Variants in ELOVL7 observed in about 807,000 individuals in gnomAD.
ELOVL7 encodes the protein very long chain fatty acid elongase 7.
A neutral mutation model predicts 35.7 loss-of-function variants in ELOVL7; 27 were observed. That is an observed-to-expected ratio of 0.76 (90% CI 0.56 to 1.04). The LOEUF is 1.04. Ranked by LOEUF, ELOVL7 falls within the 50% of genes least tolerant of loss-of-function variation. ELOVL7 has a pLI of 0.00. For synonymous variants in ELOVL7, 113 were observed against 114.6 expected, an observed-to-expected ratio of 0.99 and a Z score of 0.09; for missense variants, 327 against 340.8, an observed-to-expected ratio of 0.96 and a Z score of 0.32.
chr5:60,771,852 A>G (rs1742608645), intron 4 of ELOVL7, 51 bp downstream of exon 4: 2 of 1,317,520 alleles, frequency 1.5e-6, no homozygotes, highest in South Asian at 2.9e-5. Flanking sequence ...TGACACATAA[A>G]CAGAAAAACT....
chr5:60,838,550 A>C (rs546068547), intron 1 of ELOVL7, among the ~76,000 whole-genome samples: 88 of 152,290 alleles, frequency 5.8e-4, no homozygotes, highest in African/African-American at 2.0e-3. Context: ...GCAGCTTCTG[A>C]AACTCCCCAG....
intron 4 of ELOVL7, chr5:60,768,587 AAG>A: frequency 2.4e-6 from 1 of 423,274 alleles, no homozygotes; most frequent in Non-Finnish European, 4.8e-6. Flanking sequence ...TGTGACAAGA[AAG>A]AGCCTATTGT....
intron 2 of ELOVL7, among the ~76,000 whole-genome samples, chr5:60,794,600 C>T (rs1744135234): frequency 6.6e-6 from 1 of 152,198 alleles, no homozygotes; most frequent in East Asian, 1.9e-4. Flanking sequence ...TCTAATTCTG[C>T]AACAGACATT....
intron 2 of ELOVL7, among the ~76,000 whole-genome samples, chr5:60,798,888 A>G (rs1489630499): frequency 1.3e-5 from 2 of 152,234 alleles, no homozygotes; most frequent in African/African-American, 4.8e-5. Context: ...CGTTCTATCC[A>G]ACAACAGCAA....
intron 5 of ELOVL7, among the ~76,000 whole-genome samples, 178 bp from the exon 6 acceptor site, chr5:60,766,808 T>C (rs1274980881): frequency 6.6e-6 from 1 of 152,188 alleles, no homozygotes; most frequent in Non-Finnish European, 1.5e-5. Context: ...CATCCATCCA[T>C]AGAACTTTTT....
chr5:60,837,332 GT>G lies in ELOVL7; in HGVS notation c.-86+6827del, dbSNP rs1267082215. The stretch of plus-strand genomic sequence containing the variant: ...CGGGGGGGTGGGGGGGGAGTGGGGG[GT>G]GGGGGTGGCGCTTGTCAGGAGGCTG... On this transcript the variant is annotated intron_variant, in intron 1 of 8. Transcript: ENST00000508821. 1.5e-3 allele frequency among the ~76,000 whole-genome samples: 173 copies of G among 114,992 alleles called. 1 individual carries two copies. The highest frequency in any genetic ancestry group is 4.7e-3 in the Middle Eastern group (1 of 214). 75.4% of individuals were successfully genotyped at this position (114,992 alleles called of 152,430 possible). A position where few individuals can be genotyped will look rare whatever the true frequency, so the allele number is the denominator to read the frequency against.
Position 60,766,461 on chromosome 5 carries a change from A to G in ELOVL7, c.393+113T>C. 4 of 886,712 alleles carry G rather than the reference A, an allele frequency of 4.5e-6. No homozygotes were observed. In the South Asian group the frequency reaches 8.1e-5, roughly 18 times the overall value. 54.9% of individuals were successfully genotyped at this position (886,712 alleles called of 1,614,324 possible). ...CTGCCTGAATAGGAGAAATAACCAA[A>G]GTTATCAGACAACTGAAACTACAGC... On this transcript the variant is annotated intron_variant, in intron 6 of 8. Transcript: ENST00000508821.
At chr5:60,766,753 TA>T (rs1442998071) in intron 5 of ELOVL7, 123 bp from the exon 6 acceptor site, 4 of 696,512 alleles carry the variant, frequency 5.7e-6, no homozygotes, top group Non-Finnish European at 9.6e-6. Context: ...AGTGCACAGT[TA>T]AGTGGCATTA....
intron 1 of ELOVL7, among the ~76,000 whole-genome samples, chr5:60,833,725 T>C (rs1296442618): frequency 1.3e-5 from 2 of 152,186 alleles, no homozygotes; most frequent in Non-Finnish European, 2.9e-5. Flanking sequence ...GGCAAGGTTC[T>C]TCACTTCTAT....
intron 1 of ELOVL7, among the ~76,000 whole-genome samples, chr5:60,835,031 A>G (rs981826936): frequency 6.6e-6 from 1 of 151,642 alleles, no homozygotes; most frequent in African/African-American, 2.4e-5. Flanking sequence ...TCTCTACCAA[A>G]ATACAAAAAT....
chr5:60,812,973 T>C (rs1423061787), intron 1 of ELOVL7, among the ~76,000 whole-genome samples: 1 of 152,178 alleles, frequency 6.6e-6, no homozygotes, highest in Non-Finnish European at 1.5e-5. Context: ...CCTAAAACAA[T>C]GGTAATGACT....
At chr5:60,827,438 A>G (rs1746235568) in intron 1 of ELOVL7, among the ~76,000 whole-genome samples, 1 of 152,222 alleles carries the variant, frequency 6.6e-6, no homozygotes, top group Non-Finnish European at 1.5e-5. Context: ...ACCCTATAAA[A>G]GCTGTCATGT....
intron 7 of ELOVL7, among the ~76,000 whole-genome samples, chr5:60,760,794 T>A (rs1741863215): frequency 6.6e-6 from 1 of 152,184 alleles, no homozygotes; most frequent in Admixed American, 6.5e-5. Flanking sequence ...AAGTCTTTAA[T>A]CCATCTTGAA....
At chr5:60,789,541 T>G (rs1193287875) in intron 2 of ELOVL7, among the ~76,000 whole-genome samples, 1 of 152,236 alleles carries the variant, frequency 6.6e-6, no homozygotes, top group Non-Finnish European at 1.5e-5. Context: ...GTGTAACTCT[T>G]ATTGAGGACA....
intron 2 of ELOVL7, among the ~76,000 whole-genome samples, chr5:60,795,525 A>G (rs1744200436): frequency 1.3e-5 from 2 of 152,228 alleles, no homozygotes; most frequent in Non-Finnish European, 2.9e-5. Context: ...CTCCCATTGT[A>G]TGGGAGCTCT....
intron 2 of ELOVL7, among the ~76,000 whole-genome samples, chr5:60,794,516 T>C (rs1744127927): frequency 6.6e-6 from 1 of 151,408 alleles, no homozygotes; most frequent in Non-Finnish European, 1.5e-5. Context: ...GTGCTTGCAG[T>C]GGGAAGCACC....
At chr5:60,824,922 C>G (rs1561469788) in intron 1 of ELOVL7, among the ~76,000 whole-genome samples, 1 of 152,050 alleles carries the variant, frequency 6.6e-6, no homozygotes, top group Non-Finnish European at 1.5e-5. Flanking sequence ...TGGGCCCTGA[C>G]TACCTCTCTG....
At position 60,768,800 on chromosome 5, in the gene ELOVL7, AC is replaced by A. The variant is rs199675211; in HGVS notation, c.256-898del. ...TCAGTTCTTCTCATACATGCCAAAT[AC>A]CCCCTGGGAGATCTTCTCTCTCAGT... On this transcript the variant is annotated intron_variant, in intron 4 of 8. Transcript: ENST00000508821. The A allele has an allele frequency of 4.2e-5, 16 of 378,352 alleles. No individual in the cohort carries two copies. In the African/African-American group the frequency reaches 4.5e-4, roughly 11 times the overall value. The allele number at this position is 378,352 out of a possible 1,614,324, so 23.4% of individuals were successfully genotyped here.
intron 3 of ELOVL7, among the ~76,000 whole-genome samples, chr5:60,783,888 G>A (rs1207041566): frequency 1.3e-5 from 2 of 152,116 alleles, no homozygotes; most frequent in African/African-American, 4.8e-5. Context: ...AATGGGGTGG[G>A]GGATGTTTCA....
Sources: allele counts gnomAD v4.1 joint callset (sites outside exome capture counted in the v4.1 genomes callset), GRCh38; gene constraint gnomAD v4.1.1; transcripts MANE v1.5; gene names NCBI Gene and HGNC (gene_info 2026-07-23, HGNC 2026-07-21).